Variants in RAD21L1 observed in about 807,000 individuals in gnomAD.
RAD21L1 encodes RAD21 cohesin complex component like 1.
In RAD21L1, 47 loss-of-function variants were observed where a neutral mutation model predicts 69.0. That is an observed-to-expected ratio of 0.68 (90% confidence interval 0.54 to 0.87). The LOEUF is 0.87. Ranked by LOEUF, RAD21L1 falls within the 40% of genes least tolerant of loss-of-function variation. The pLI is 0.00. For synonymous variants in RAD21L1, 177 were observed against 205.8 expected, an observed-to-expected ratio of 0.86 and a Z score of 1.20; for missense variants, 583 against 647.6, an observed-to-expected ratio of 0.90 and a Z score of 1.08.
rs2087853886 is a variant in RAD21L1 at position 1,252,471 on chromosome 20, C to T, written c.1480-1798C>T. 1.3e-5 allele frequency among the ~76,000 whole-genome samples: 2 copies of T among 152,098 alleles called. 1 individual carries two copies. Among genetic ancestry groups the T allele is most frequent in the Admixed American group, 1.3e-4 (2 of 15,270 alleles). On this transcript the variant is annotated intron_variant, in intron 13 of 13. Transcript: ENST00000683101. Reference sequence around the variant, plus strand: ...AGATATAAGCATGATGCCAGTGGCTCAGGAACCAAAAGGAGGTAAAGGAGA... The same window carrying T: ...AGATATAAGCATGATGCCAGTGGCTTAGGAACCAAAAGGAGGTAAAGGAGA...
chr20:1,246,154 G>A lies in RAD21L1; in HGVS notation c.1309-59G>A, dbSNP rs1850626934. On this transcript the variant is annotated intron_variant, in intron 11 of 13. Transcript: ENST00000683101. The surrounding 1 kb of genome is among the most constrained non-coding windows in gnomAD (Gnocchi z 4.6). ...GTGATTAAAGCATTTAATAAAATTAGATTGTTCCTGTATAACCACTGGCAG... is the reference window on the plus strand; with the variant it reads ...GTGATTAAAGCATTTAATAAAATTAAATTGTTCCTGTATAACCACTGGCAG... The A allele has an allele frequency of 1.2e-6, 1 of 828,284 alleles. No homozygotes were observed. The highest frequency in any genetic ancestry group is 1.8e-5 in the African/African-American group (1 of 56,090). The allele number at this position is 828,284 out of a possible 1,614,324, so 51.3% of individuals were successfully genotyped here.
At chr20:1,235,529 A>C (rs1467688957) in intron 5 of RAD21L1, among the ~76,000 whole-genome samples, 1 of 152,224 alleles carries the variant, frequency 6.6e-6, no homozygotes, top group Non-Finnish European at 1.5e-5. Flanking sequence ...CAACATATAT[A>C]AAATTGCTCT....
chr20:1,246,186 C>T lies in RAD21L1; in HGVS notation c.1309-27C>T. 1 of 1,381,578 alleles carries T rather than the reference C, an allele frequency of 7.2e-7. No individual in the cohort carries two copies. The highest frequency in any genetic ancestry group is 1.4e-5 in the South Asian group (1 of 73,726). 85.6% of individuals were successfully genotyped at this position (1,381,578 alleles called of 1,614,324 possible). ...CCTGTATAACCACTGGCAGATTTAC[C>T]TAACTTTCCCTAATTTGCTTCAGCA... On this transcript the variant is annotated intron_variant, in intron 11 of 13. Transcript: ENST00000683101. This position sits in a 1 kb window ranked among gnomAD's most constrained non-coding sequence, Gnocchi z 4.6.
intron 1 of RAD21L1, among the ~76,000 whole-genome samples, chr20:1,228,017 G>T (rs1037161465): frequency 9.2e-5 from 14 of 152,246 alleles, no homozygotes; most frequent in African/African-American, 2.2e-4. Context: ...TAGAAAAGAG[G>T]TGCCCTGTAT....
chr20:1,248,728 C>G (rs1394933016), intron 13 of RAD21L1, 25 bp downstream of exon 13: 5 of 1,310,196 alleles, frequency 3.8e-6, no homozygotes, highest in South Asian at 1.4e-5. Flanking sequence ...TTTGTCAACC[C>G]TGTTTTTATT....
intron 2 of RAD21L1, 130 bp from the exon 3 acceptor site, chr20:1,229,750 A>G (rs1291515685): frequency 9.2e-6 from 6 of 654,860 alleles, no homozygotes; most frequent in Non-Finnish European, 1.5e-5. Context: ...AAAAAGTGAT[A>G]TACTTTAACT....
chr20:1,227,403 A>T (rs1409049650), intron 1 of RAD21L1, among the ~76,000 whole-genome samples: 1 of 152,238 alleles, frequency 6.6e-6, no homozygotes, highest in Non-Finnish European at 1.5e-5. Context: ...CGTCACCTTT[A>T]GTTGGGGCAT....
intron 3 of RAD21L1, 34 bp downstream of exon 3, chr20:1,230,043 G>A: frequency 6.7e-7 from 1 of 1,496,024 alleles, no homozygotes. Context: ...CTCCTTCTTG[G>A]TTCCCTTTTG....
intron 4 of RAD21L1, among the ~76,000 whole-genome samples, chr20:1,231,877 G>A (rs560162982): frequency 2.4e-4 from 36 of 152,184 alleles, no homozygotes; most frequent in Non-Finnish European, 4.4e-4. Flanking sequence ...TCCATATGCC[G>A]GAAACTGTTC....
At chr20:1,232,276 G>A (rs2087406915) in intron 4 of RAD21L1, among the ~76,000 whole-genome samples, 1 of 152,186 alleles carries the variant, frequency 6.6e-6, no homozygotes, top group African/African-American at 2.4e-5. Context: ...AGATGATGTA[G>A]GGTGTGATAT....
At chr20:1,232,728 G>T (rs907060130) in intron 4 of RAD21L1, among the ~76,000 whole-genome samples, 1 of 152,104 alleles carries the variant, frequency 6.6e-6, no homozygotes, top group Non-Finnish European at 1.5e-5. Context: ...CATCTGTTAT[G>T]GTCTAAATGC....
chr20:1,233,357 G>C (rs548019910), intron 4 of RAD21L1, among the ~76,000 whole-genome samples: 1 of 152,120 alleles, frequency 6.6e-6, no homozygotes, highest in Non-Finnish European at 1.5e-5. Flanking sequence ...CTTAGTATTT[G>C]GTCATTCCCA....
intron 4 of RAD21L1, among the ~76,000 whole-genome samples, chr20:1,232,238 A>G (rs1321385163): frequency 6.6e-6 from 1 of 152,164 alleles, no homozygotes; most frequent in Non-Finnish European, 1.5e-5. Context: ...GTGGTAGGAG[A>G]TGAGGTCAGA....
rs1409248063 is a variant in RAD21L1 at position 1,255,528 on chromosome 20, G to T, written c.*1071G>T. On this transcript the variant is annotated 3_prime_UTR_variant, in exon 14 of 14. Transcript: ENST00000683101. The stretch of plus-strand genomic sequence containing the variant: ...CAAATTCTAAATAGCCTCTCTAAAT[G>T]TGTTAACTATAAATTTTAAATGGCA... Among the ~76,000 whole-genome samples, 1 of 152,104 alleles carries T rather than the reference G, an allele frequency of 6.6e-6. No homozygotes were observed.
chr20:1,253,567 G>A (rs2087878673), intron 13 of RAD21L1, among the ~76,000 whole-genome samples: 1 of 152,190 alleles, frequency 6.6e-6, no homozygotes, highest in South Asian at 2.1e-4. Context: ...AAAGTGCTGG[G>A]ATTACAGGCG....
chr20:1,232,778 C>G (rs1483053140), intron 4 of RAD21L1, among the ~76,000 whole-genome samples: 1 of 152,134 alleles, frequency 6.6e-6, no homozygotes, highest in East Asian at 1.9e-4. Flanking sequence ...ACCTAACCTT[C>G]AAGGTGATGG....
In RAD21L1 at chr20:1,246,879, C is replaced by T. The variant is rs772261286; in HGVS notation, c.1401+574C>T. 1.3e-5 allele frequency among the ~76,000 whole-genome samples: 2 copies of T among 152,128 alleles called. No individual in the cohort carries two copies. Among genetic ancestry groups the T allele is most frequent in the African/African-American group, 2.4e-5 (1 of 41,440 alleles). ...TCTTATTTCTCTGGTATTATCCCAG[C>T]ATACTGAAAACATTTTTAAGATTGT... On this transcript the variant is annotated intron_variant, in intron 12 of 13. Coordinates refer to ENST00000683101, the MANE Select transcript of RAD21L1 (RefSeq NM_001384355.1). This position sits in a 1 kb window ranked among gnomAD's most constrained non-coding sequence, Gnocchi z 4.6.
Position 1,246,718 on chromosome 20 carries a change from T to C in RAD21L1, c.1401+413T>C, listed in dbSNP as rs1294398282. Among the ~76,000 whole-genome samples, 2 of 152,138 alleles carry C rather than the reference T, an allele frequency of 1.3e-5. No homozygotes were observed. The highest frequency in any genetic ancestry group is 2.1e-4 in the South Asian group (1 of 4,834). On this transcript the variant is annotated intron_variant, in intron 12 of 13. Transcript: ENST00000683101. The surrounding 1 kb of genome is among the most constrained non-coding windows in gnomAD (Gnocchi z 4.6). Reference sequence around the variant, plus strand: ...CTTGTGGGCAATTTTTCCTTTAACATTATGTGGCACAAGGCTTGTATCTAT... The same window carrying C: ...CTTGTGGGCAATTTTTCCTTTAACACTATGTGGCACAAGGCTTGTATCTAT...
intron 13 of RAD21L1, among the ~76,000 whole-genome samples, chr20:1,253,230 A>C (rs2087870645): frequency 6.6e-6 from 1 of 152,230 alleles, no homozygotes. Context: ...TTTCTAAATA[A>C]GCTTCACAAC....
Sources: gnomAD v4.1 joint callset for allele counts (sites outside exome capture counted in the v4.1 genomes callset) on GRCh38, gnomAD v4.1.1 for gene constraint, Gnocchi (gnomAD v3.1) non-coding constraint, MANE v1.5 for transcripts, NCBI Gene and HGNC (gene_info 2026-07-23, HGNC 2026-07-21) for gene names.